The following THADA variants were observed in gnomAD, a reference collection of about 807,000 sequenced individuals.
THADA encodes the protein tRNA (32-2'-O)-methyltransferase regulator THADA.
THADA carries 213 observed loss-of-function variants against 219.8 expected under a neutral mutation model. That is an observed-to-expected ratio of 0.97 (90% confidence interval 0.87 to 1.09). The LOEUF is 1.09. THADA is among the 50% of genes least tolerant of loss of function. The pLI is 0.00. For synonymous variants in THADA, 1,018 were observed against 828.9 expected, an observed-to-expected ratio of 1.23 and a Z score of -3.92; for missense variants, 2,956 against 2,311.3, an observed-to-expected ratio of 1.28 and a Z score of -5.72.
chr2:43,515,126 T>TATATAATATA (rs1691299052), intron 22 of THADA, among the ~76,000 whole-genome samples: 2 of 3,684 alleles, frequency 5.4e-4, no homozygotes, highest in Non-Finnish European at 8.7e-4. Context: ...TATAATATAT[T>TATATAATATA]TTATATATAA....
intron 29 of THADA, among the ~76,000 whole-genome samples, chr2:43,356,716 A>G (rs989198973): frequency 2.0e-5 from 3 of 152,232 alleles, no homozygotes; most frequent in East Asian, 1.9e-4. Context: ...AAACAATCCA[A>G]TAAGTATTTA....
intron 4 of THADA, 141 bp from the exon 5 acceptor site, chr2:43,587,143 T>G (rs1476657911): frequency 2.3e-6 from 2 of 857,438 alleles, no homozygotes; most frequent in Non-Finnish European, 3.5e-6. Flanking sequence ...CACACTACCA[T>G]CACTCGAATT....
At chr2:43,528,246 T>C (rs1371347801) in intron 21 of THADA, among the ~76,000 whole-genome samples, 1 of 146,982 alleles carries the variant, frequency 6.8e-6, no homozygotes, top group Non-Finnish European at 1.5e-5. Flanking sequence ...TTCTCCTGCC[T>C]CAGCCTCCCA....
At chr2:43,319,398 C>G (rs1242311054) in intron 31 of THADA, among the ~76,000 whole-genome samples, 1 of 152,186 alleles carries the variant, frequency 6.6e-6, no homozygotes, top group Non-Finnish European at 1.5e-5. Context: ...CTACTCCTAT[C>G]CAGGGATGTG....
At chr2:43,569,374 A>C (rs1404770437) in intron 14 of THADA, among the ~76,000 whole-genome samples, 1 of 152,222 alleles carries the variant, frequency 6.6e-6, no homozygotes, top group Admixed American at 6.5e-5. Flanking sequence ...ATAGTCTACA[A>C]AGAGCTTTTT....
chr2:43,297,309 C>A (rs1253016091), intron 31 of THADA, among the ~76,000 whole-genome samples: 23 of 101,080 alleles, frequency 2.3e-4, no homozygotes, highest in African/African-American at 1.3e-3. Context: ...CTGGCAACCA[C>A]CCCGTCTGAG....
intron 31 of THADA, among the ~76,000 whole-genome samples, chr2:43,305,061 A>G (rs1676699068): frequency 6.6e-6 from 1 of 152,224 alleles, no homozygotes; most frequent in South Asian, 2.1e-4. Context: ...ATCAGATCCA[A>G]CAAAAGTTTT....
intron 4 of THADA, among the ~76,000 whole-genome samples, chr2:43,589,623 G>A (rs974230337): frequency 6.6e-6 from 1 of 152,184 alleles, no homozygotes; most frequent in Non-Finnish European, 1.5e-5. Context: ...ATAAGTGGAA[G>A]CTTATCTATG....
In THADA at chr2:43,552,239, G is replaced by A. The variant is rs1246167979; in HGVS notation, c.2775C>T (p.His925=). 1 of 1,611,382 alleles carries A rather than the reference G, an allele frequency of 6.2e-7. No homozygotes were observed. The highest frequency in any genetic ancestry group is 8.5e-7 in the Non-Finnish European group (1 of 1,179,226). ...ACTTCTGCAAAGCTCCTGTTATACAGTGGACTCGCCCATACATTGGAAATG... is the reference window on the plus strand; with the variant it reads ...ACTTCTGCAAAGCTCCTGTTATACAATGGACTCGCCCATACATTGGAAATG... The part of the protein sequence containing the change: ...AAAFPMYGRV[H]CITGALQKLS... The change falls in exon 18 of 38, where the codon CAC becomes CAT. Residue 925 remains histidine (H), a synonymous_variant. Coordinates refer to ENST00000405975, the MANE Select transcript of THADA (RefSeq NM_022065.5).
intron 31 of THADA, among the ~76,000 whole-genome samples, chr2:43,299,905 G>A (rs1307280378): frequency 6.6e-6 from 1 of 151,172 alleles, no homozygotes; most frequent in African/African-American, 2.4e-5. Context: ...GTGCATGCCT[G>A]TAATCCCAGC....
intron 21 of THADA, among the ~76,000 whole-genome samples, chr2:43,529,049 T>C (rs1293157323): frequency 3.3e-5 from 5 of 152,062 alleles, no homozygotes; most frequent in Non-Finnish European, 7.4e-5. Flanking sequence ...CTACTAGGCT[T>C]CACTTCAAGA....
At chr2:43,517,686 G>A (rs868591971) in intron 22 of THADA, among the ~76,000 whole-genome samples, 10 of 151,974 alleles carry the variant, frequency 6.6e-5, no homozygotes, top group South Asian at 2.1e-4. Flanking sequence ...TCAAACGCAC[G>A]TGCACTTCAT....
At chr2:43,291,808 A>T (rs763102090) in intron 33 of THADA, 40 bp from the exon 34 acceptor site, 2 of 1,504,470 alleles carry the variant, frequency 1.3e-6, no homozygotes, top group South Asian at 1.2e-5. Flanking sequence ...ACAAAATTAC[A>T]ATCAGACATA....
intron 16 of THADA, among the ~76,000 whole-genome samples, chr2:43,559,371 C>T (rs1026571257): frequency 1.3e-5 from 2 of 152,174 alleles, no homozygotes; most frequent in Admixed American, 6.5e-5. Flanking sequence ...GAAACAGACA[C>T]TATCCTCTCT....
intron 31 of THADA, 129 bp from the exon 32 acceptor site, chr2:43,293,342 C>G (rs1029729124): frequency 2.6e-4 from 271 of 1,043,072 alleles, no homozygotes; most frequent in Non-Finnish European, 3.5e-4. Flanking sequence ...ATTTCAAACA[C>G]TGTCATAAGT....
At position 43,586,388 on chromosome 2, in the gene THADA, A is replaced by G. The variant is rs1036870887; in HGVS notation, c.533+13T>C. ...CAAGTGTGCACACACAAATGCCAAC[A>G]TATAGCACTTGCCTATTTTCTTCCA... On this transcript the variant is annotated intron_variant, in intron 7 of 37. Transcript: ENST00000405975. 2 of 1,576,828 alleles carry G rather than the reference A, an allele frequency of 1.3e-6. No individual in the cohort carries two copies. The highest frequency in any genetic ancestry group is 2.4e-5 in the South Asian group (2 of 83,388).
At position 43,451,159 on chromosome 2, in the gene THADA, C is replaced by A. The variant is rs1327211953; in HGVS notation, c.3837-20857G>T. Among the ~76,000 whole-genome samples, 4 of 151,938 alleles carry A rather than the reference C, an allele frequency of 2.6e-5. No homozygotes were observed. The East Asian group carries it at 7.7e-4, about 29-fold the overall frequency. ...TGCTATTAAATTAAAACAAAGAAAC[C>A]AGAGCTGTTCTGGTTGAAGCAGGAT... On this transcript the variant is annotated intron_variant, in intron 26 of 37. Coordinates refer to ENST00000405975, the MANE Select transcript of THADA (RefSeq NM_022065.5).
intron 36 of THADA, among the ~76,000 whole-genome samples, chr2:43,255,206 T>C (rs898891631): frequency 1.3e-5 from 2 of 152,174 alleles, no homozygotes; most frequent in African/African-American, 4.8e-5. Context: ...TGAAAACATA[T>C]TTAGGTTTAA....
chr2:43,429,580 A>T (rs1678968855), intron 27 of THADA, among the ~76,000 whole-genome samples: 1 of 152,116 alleles, frequency 6.6e-6, no homozygotes, highest in African/African-American at 2.4e-5. Context: ...GGTAAGTTGC[A>T]ACAAGCCAGT....
Sources: allele counts gnomAD v4.1 joint callset (sites outside exome capture counted in the v4.1 genomes callset), GRCh38; gene constraint gnomAD v4.1.1; transcripts MANE v1.5; gene names NCBI Gene and HGNC (gene_info 2026-07-23, HGNC 2026-07-21).